DNAH9: variants seen among roughly 807,000 people sequenced by gnomAD.
DNAH9 encodes the protein DNAH9 variant protein.
In DNAH9, 345 loss-of-function variants were observed where a neutral mutation model predicts 471.6. That is an observed-to-expected ratio of 0.73 (90% CI 0.67 to 0.80). The LOEUF (loss-of-function observed/expected upper bound fraction) is 0.80. Ranked by LOEUF, DNAH9 falls within the 30% of genes least tolerant of loss-of-function variation. The probability of loss-of-function intolerance (pLI) is 0.00; values close to 1 mark genes in which losing one functional copy is unlikely to be tolerated. For synonymous variants in DNAH9, 2,093 were observed against 2,123.6 expected, an observed-to-expected ratio of 0.99 and a Z score of 0.40; for missense variants, 5,407 against 5,609.2, an observed-to-expected ratio of 0.96 and a Z score of 1.15.
At chr17:11,842,301 T>C in intron 49 of DNAH9, among the ~76,000 whole-genome samples, 1 of 152,170 alleles carries the variant, frequency 6.6e-6, no homozygotes, top group East Asian at 1.9e-4. Context: ...TGCCACCAAC[T>C]GGTAAAGTTA....
rs755034416 is a variant in DNAH9 at position 11,640,392 on chromosome 17, T to TTGTGTTCC, written c.1901+11_1901+18dup. The TTGTGTTCC allele has an allele frequency of 1.5e-4, 230 of 1,572,296 alleles. No homozygotes were observed. Among genetic ancestry groups the TTGTGTTCC allele is most frequent in the Non-Finnish European group, 1.8e-4 (208 of 1,142,164 alleles). On this transcript the variant is annotated intron_variant, in intron 10 of 68. Transcript: ENST00000262442. The stretch of plus-strand genomic sequence containing the variant: ...TGGACGCATCACACACCCGTGAGTA[T>TTGTGTTCC]TGTGTTCCTGAAAGACAGGCTTGTC...
At chr17:11,949,642 T>C (rs1055789153) in intron 67 of DNAH9, among the ~76,000 whole-genome samples, 2 of 152,080 alleles carry the variant, frequency 1.3e-5, no homozygotes, top group Non-Finnish European at 2.9e-5. Context: ...CCAGCATGCC[T>C]GGCTAATTTT....
intron 6 of DNAH9, among the ~76,000 whole-genome samples, chr17:11,621,107 G>T (rs1351465647): frequency 2.0e-5 from 3 of 152,022 alleles, no homozygotes; most frequent in Non-Finnish European, 4.4e-5. Flanking sequence ...ATTCAGGGTT[G>T]AGTTTAAGAT....
At chr17:11,888,186 G>C (rs957755582) in intron 57 of DNAH9, among the ~76,000 whole-genome samples, 1 of 151,832 alleles carries the variant, frequency 6.6e-6, no homozygotes, top group Non-Finnish European at 1.5e-5. Flanking sequence ...GGGTTTCACT[G>C]TGTTAGCCAG....
chr17:11,783,629 G>C lies in DNAH9; in HGVS notation c.7719-17G>C. 1.9e-6 allele frequency: 3 copies of C among 1,604,228 alleles called. No individual in the cohort carries two copies. In the South Asian group the frequency reaches 3.3e-5, roughly 18 times the overall value. ...AGTCCTCAGACACCTTTCACCTAGAGCTTCTGACTGTTCCAGGTATGATCG... is the reference window on the plus strand; with the variant it reads ...AGTCCTCAGACACCTTTCACCTAGACCTTCTGACTGTTCCAGGTATGATCG... On this transcript the variant is annotated splice_polypyrimidine_tract_variant and intron_variant, in intron 39 of 68. Coordinates refer to ENST00000262442, the MANE Select transcript of DNAH9 (RefSeq NM_001372.4).
At chr17:11,679,289 G>A (rs1037812837) in intron 17 of DNAH9, among the ~76,000 whole-genome samples, 1 of 152,186 alleles carries the variant, frequency 6.6e-6, no homozygotes, top group Non-Finnish European at 1.5e-5. Context: ...TGCATTGCCA[G>A]CAAACACCTC....
chr17:11,796,208 G>A (rs764523953), intron 42 of DNAH9, among the ~76,000 whole-genome samples: 2 of 152,150 alleles, frequency 1.3e-5, no homozygotes, highest in Non-Finnish European at 2.9e-5. Context: ...TGACTAATAT[G>A]AGAACTGATT....
chr17:11,729,061 C>G (rs1268421150), intron 28 of DNAH9, among the ~76,000 whole-genome samples: 1 of 152,172 alleles, frequency 6.6e-6, no homozygotes, highest in Non-Finnish European at 1.5e-5. Flanking sequence ...CCTTCCTCAG[C>G]AGGCATCAGA....
intron 1 of DNAH9, among the ~76,000 whole-genome samples, chr17:11,605,269 C>T (rs886689582): frequency 2.0e-5 from 3 of 152,192 alleles, no homozygotes; most frequent in African/African-American, 4.8e-5. Context: ...CTCCACCCCA[C>T]ACTCCTGATT....
intron 45 of DNAH9, among the ~76,000 whole-genome samples, chr17:11,811,086 G>A (rs536819332): frequency 4.9e-4 from 74 of 152,324 alleles, no homozygotes; most frequent in African/African-American, 1.7e-3. Context: ...GCCAAGGTGG[G>A]TGGCTCACCT....
chr17:11,928,802 G>T (rs1974410255), intron 62 of DNAH9, among the ~76,000 whole-genome samples: 1 of 152,286 alleles, frequency 6.6e-6, no homozygotes, highest in South Asian at 2.1e-4. Flanking sequence ...TTAAATCAGT[G>T]CCTTTCAAAT....
chr17:11,784,825 C>G (rs10521188), intron 41 of DNAH9, among the ~76,000 whole-genome samples: 7,489 of 151,982 alleles, frequency 0.049, 635 homozygotes, highest in African/African-American at 0.17. Context: ...TGGAGATAGT[C>G]TTATATAATG....
intron 32 of DNAH9, among the ~76,000 whole-genome samples, chr17:11,750,284 T>G (rs563673803): frequency 6.7e-6 from 1 of 150,082 alleles, no homozygotes; most frequent in Non-Finnish European, 1.5e-5. Flanking sequence ...AAAAAAAAAT[T>G]TTTTGGATAA....
intron 1 of DNAH9, among the ~76,000 whole-genome samples, chr17:11,602,419 G>A (rs2072405549): frequency 1.3e-5 from 2 of 152,116 alleles, no homozygotes; most frequent in Admixed American, 1.3e-4. Flanking sequence ...GGCTCCTCCT[G>A]GAGGACTCAG....
intron 45 of DNAH9, among the ~76,000 whole-genome samples, chr17:11,813,624 A>C (rs2150931726): frequency 6.6e-6 from 1 of 152,338 alleles, no homozygotes; most frequent in South Asian, 2.1e-4. Flanking sequence ...TAGTGAATGC[A>C]GTTCTCTCCC....
At chr17:11,621,425 A>G (rs1018040079) in intron 6 of DNAH9, among the ~76,000 whole-genome samples, 9 of 151,528 alleles carry the variant, frequency 5.9e-5, no homozygotes, top group African/African-American at 2.2e-4. Context: ...AAAAAAAAAA[A>G]AAAGACAAGA....
At chr17:11,615,016 G>T (rs2072713081) in intron 4 of DNAH9, among the ~76,000 whole-genome samples, 1 of 152,176 alleles carries the variant, frequency 6.6e-6, no homozygotes, top group Admixed American at 6.5e-5. Flanking sequence ...GGGCTGTCTG[G>T]AGCCAGTGCA....
chr17:11,673,153 C>T (rs966914416), intron 17 of DNAH9, among the ~76,000 whole-genome samples: 5 of 152,248 alleles, frequency 3.3e-5, no homozygotes, highest in African/African-American at 9.6e-5. Context: ...AGGCCCTTCA[C>T]ATTTTCCTAG....
chr17:11,868,766 T>G (rs940660021), intron 50 of DNAH9, among the ~76,000 whole-genome samples: 2 of 152,030 alleles, frequency 1.3e-5, no homozygotes, highest in African/African-American at 4.8e-5. Context: ...TTTCTCCAAC[T>G]CAAGCAGAGG....
Sources: allele counts gnomAD v4.1 joint callset (sites outside exome capture counted in the v4.1 genomes callset), GRCh38; gene constraint gnomAD v4.1.1; transcripts MANE v1.5; gene names NCBI Gene and HGNC (gene_info 2026-07-23, HGNC 2026-07-21).